The following FAM163B variants were observed in gnomAD, a reference collection of about 807,000 sequenced individuals.
The protein encoded by FAM163B is family with sequence similarity 163 member B, also known as protein FAM163B.
In FAM163B, 4 loss-of-function variants were observed where a neutral mutation model predicts 7.6. The observed-to-expected ratio is 0.52, with a 90% CI of 0.26 to 1.20. The LOEUF (loss-of-function observed/expected upper bound fraction) is 1.20. Ranked by LOEUF, FAM163B falls within the 50% of genes most tolerant of loss-of-function variation. The probability of loss-of-function intolerance (pLI) is 0.14; values close to 1 mark genes in which losing one functional copy is unlikely to be tolerated. For missense variants in FAM163B, 250 were observed against 243.0 expected, an observed-to-expected ratio of 1.03 and a Z score of -0.19; for synonymous variants, 120 against 111.6, an observed-to-expected ratio of 1.07 and a Z score of -0.47.
At chr9:133,586,800 C>T (rs371437401) in intron 1 of FAM163B, among the ~76,000 whole-genome samples, 57 of 152,276 alleles carry the variant, frequency 3.7e-4, no homozygotes, top group African/African-American at 1.4e-3. Flanking sequence ...CCCTGCCTTT[C>T]TCAGGACTGC....
chr9:133,580,802 A>G (rs1831344884), intron 1 of FAM163B, among the ~76,000 whole-genome samples: 1 of 152,246 alleles, frequency 6.6e-6, no homozygotes, highest in South Asian at 2.1e-4. Flanking sequence ...CATAAAATGT[A>G]CCATCTTCAC....
At chr9:133,594,471 C>T (rs1831601930) in intron 1 of FAM163B, among the ~76,000 whole-genome samples, 1 of 151,974 alleles carries the variant, frequency 6.6e-6, no homozygotes, top group East Asian at 1.9e-4. Context: ...ACTGAGATTC[C>T]TGGCCATCTG....
rs191145243 is a variant in FAM163B at position 133,597,565 on chromosome 9, A to C, written c.-24+11512T>G. ...GTTGGAGCTGGTGCAAAAAACAATTAGAATAAATAAATATTGGCTGAAAAA... is the reference window on the plus strand; with the variant it reads ...GTTGGAGCTGGTGCAAAAAACAATTCGAATAAATAAATATTGGCTGAAAAA... On this transcript the variant is annotated intron_variant, in intron 1 of 2. Coordinates refer to ENST00000673969, the MANE Select transcript of FAM163B (RefSeq NM_001080515.3). 1.2e-3 allele frequency among the ~76,000 whole-genome samples: 185 copies of C among 152,338 alleles called. 1 individual carries two copies. Among genetic ancestry groups the C allele is most frequent in the Non-Finnish European group, 2.6e-4 (18 of 68,040 alleles).
At chr9:133,582,548 T>C (rs1831372122) in intron 1 of FAM163B, among the ~76,000 whole-genome samples, 1 of 152,228 alleles carries the variant, frequency 6.6e-6, no homozygotes. Context: ...CGTGAATGCC[T>C]TGAATGCCAC....
rs3025296 is a variant in FAM163B, at chr9:133,592,562, C to G, written c.-23-12316G>C. 2.5e-3 allele frequency among the ~76,000 whole-genome samples: 373 copies of G among 152,048 alleles called. 5 individuals carry two copies. Among genetic ancestry groups the G allele is most frequent in the African/African-American group, 8.3e-3 (346 of 41,482 alleles). ...GAAGGGCGAAGGGGTGGGGAGGCTG[C>G]GCCAGTGAACATTGCCCTCTCCGGC... On this transcript the variant is annotated intron_variant, in intron 1 of 2. Transcript: ENST00000673969.
chr9:133,578,861 C>G lies in FAM163B; in HGVS notation c.*161G>C, dbSNP rs781233132. On this transcript the variant is annotated 3_prime_UTR_variant, in exon 3 of 3. Transcript: ENST00000673969. The stretch of plus-strand genomic sequence containing the variant: ...TGTTCAATGAGCCTTATCCCTGCCA[C>G]GAGCCTGGGGGCTCCCCAAGCCTGG... 5.6e-5 allele frequency: 75 copies of G among 1,349,290 alleles called. 1 individual carries two copies. Among genetic ancestry groups the G allele is most frequent in the Non-Finnish European group, 3.8e-5 (39 of 1,026,720 alleles). 83.6% of individuals were successfully genotyped at this position (1,349,290 alleles called of 1,614,324 possible).
intron 1 of FAM163B, among the ~76,000 whole-genome samples, chr9:133,584,159 A>T (rs1831398188): frequency 6.6e-6 from 1 of 152,126 alleles, no homozygotes; most frequent in Non-Finnish European, 1.5e-5. Context: ...CAAACGCCAG[A>T]GCTGAGAGGG....
At chr9:133,593,828 G>C (rs1200760841) in intron 1 of FAM163B, among the ~76,000 whole-genome samples, 2 of 152,230 alleles carry the variant, frequency 1.3e-5, no homozygotes, top group Non-Finnish European at 2.9e-5. Context: ...CTGCCCAGGG[G>C]CTGGCAGGGC....
At chr9:133,593,190 C>G (rs1028956554) in intron 1 of FAM163B, among the ~76,000 whole-genome samples, 3 of 152,214 alleles carry the variant, frequency 2.0e-5, no homozygotes, top group Non-Finnish European at 4.4e-5. Context: ...GAGCAAACAT[C>G]AGGGAACTGA....
At chr9:133,588,690 T>C (rs1831488765) in intron 1 of FAM163B, among the ~76,000 whole-genome samples, 1 of 86,368 alleles carries the variant, frequency 1.2e-5, no homozygotes, top group East Asian at 2.8e-4. Flanking sequence ...CTGAGAGATC[T>C]AGCATGCTGA....
intron 1 of FAM163B, among the ~76,000 whole-genome samples, chr9:133,597,713 G>T (rs1349342508): frequency 6.6e-6 from 1 of 152,050 alleles, no homozygotes. Flanking sequence ...AACCAGCAAC[G>T]AAGGGAAAAA....
At chr9:133,602,442 C>G (rs1408512099) in intron 1 of FAM163B, among the ~76,000 whole-genome samples, 1 of 152,182 alleles carries the variant, frequency 6.6e-6, no homozygotes, top group Non-Finnish European at 1.5e-5. Context: ...CCTCCCTCCC[C>G]CTGCTTCCCT....
At chr9:133,589,988 C>T (rs11787780) in intron 1 of FAM163B, among the ~76,000 whole-genome samples, 37,329 of 149,610 alleles carry the variant, frequency 0.25, 5,222 homozygotes, top group East Asian at 0.47. Flanking sequence ...TTAAAAATAC[C>T]AATGTGCAGA....
intron 1 of FAM163B, among the ~76,000 whole-genome samples, chr9:133,585,099 C>A (rs765117068): frequency 5.3e-5 from 8 of 152,224 alleles, no homozygotes; most frequent in African/African-American, 1.7e-4. Flanking sequence ...GGGGCCTGGG[C>A]GGGCAACAGT....
Position 133,578,893 on chromosome 9 carries a change from C to A in FAM163B, c.*129G>T. The A allele has an allele frequency of 4.2e-6, 6 of 1,426,126 alleles. No homozygotes were observed. The highest frequency in any genetic ancestry group is 5.5e-6 in the Non-Finnish European group (6 of 1,092,892). The allele number at this position is 1,426,126 out of a possible 1,614,324, so 88.3% of individuals were successfully genotyped here. A position where few individuals can be genotyped will look rare whatever the true frequency, so the allele number is the denominator to read the frequency against. ...GGGGGCTCCCCAAGCCTGGGCCTCCCCTGAGGACAGGGATTCCAGGAGGGC... is the reference window on the plus strand; with the variant it reads ...GGGGGCTCCCCAAGCCTGGGCCTCCACTGAGGACAGGGATTCCAGGAGGGC... On this transcript the variant is annotated 3_prime_UTR_variant, in exon 3 of 3. Transcript: ENST00000673969.
In FAM163B at chr9:133,579,008, G is replaced by C; in HGVS notation, c.*14C>G. 8 of 1,489,638 alleles carry C rather than the reference G, an allele frequency of 5.4e-6. No homozygotes were observed. The South Asian group carries it at 7.9e-5, about 15-fold the overall frequency. The allele number at this position is 1,489,638 out of a possible 1,614,324, so 92.3% of individuals were successfully genotyped here. ...CAGGACCTTCAAGGCCAGGATCCCG[G>C]GGGCGGGCCCAGGTCACACGTCGGT... is the stretch of plus-strand genomic sequence containing the variant. On this transcript the variant is annotated 3_prime_UTR_variant, in exon 3 of 3. Coordinates refer to ENST00000673969, the MANE Select transcript of FAM163B (RefSeq NM_001080515.3).
At position 133,580,729 on chromosome 9, in the gene FAM163B, C is replaced by T. The variant is rs1564189913; in HGVS notation, c.-23-483G>A. On this transcript the variant is annotated intron_variant, in intron 1 of 2. Coordinates refer to ENST00000673969, the MANE Select transcript of FAM163B (RefSeq NM_001080515.3). ...TTCTTCTGCAACATAGTCTCTAACC[C>T]GATTCCATTGTTTCATGTAACTGAC... is the stretch of plus-strand genomic sequence containing the variant. 2.0e-5 allele frequency among the ~76,000 whole-genome samples: 3 copies of T among 152,212 alleles called. No homozygotes were observed. The South Asian group carries it at 6.2e-4, about 32-fold the overall frequency.
intron 1 of FAM163B, among the ~76,000 whole-genome samples, chr9:133,581,658 A>C (rs1403127407): frequency 1.3e-5 from 2 of 152,182 alleles, no homozygotes; most frequent in African/African-American, 4.8e-5. Context: ...TTATTGGAGA[A>C]ACTGGGTTGT....
chr9:133,601,876 G>A lies in FAM163B; in HGVS notation c.-24+7201C>T, dbSNP rs1831734106. On this transcript the variant is annotated intron_variant, in intron 1 of 2. Coordinates refer to ENST00000673969, the MANE Select transcript of FAM163B (RefSeq NM_001080515.3). This position sits in a 1 kb window ranked among gnomAD's most constrained non-coding sequence, Gnocchi z 4.1. ...GTCCTTCAGGCAGCGAGGGGGGTAG[G>A]TGGGAGGAGCCTCAGGGAGGAAGGG... 6.6e-6 allele frequency among the ~76,000 whole-genome samples: 1 copy of A among 152,226 alleles called. No homozygotes were observed. Among genetic ancestry groups the A allele is most frequent in the South Asian group, 2.1e-4 (1 of 4,834 alleles).
Sources: gnomAD v4.1 joint callset for allele counts (sites outside exome capture counted in the v4.1 genomes callset) on GRCh38, gnomAD v4.1.1 for gene constraint, Gnocchi (gnomAD v3.1) non-coding constraint, MANE v1.5 for transcripts, NCBI Gene and HGNC (gene_info 2026-07-23, HGNC 2026-07-21) for gene names.